Variants in WDR70 observed in about 807,000 individuals in gnomAD.
WDR70 encodes the protein WD repeat domain 70.
WDR70 carries 53 observed loss-of-function variants against 88.6 expected under a neutral mutation model. That is an observed-to-expected ratio of 0.60 (90% confidence interval 0.48 to 0.75). WDR70 has a LOEUF of 0.75. Ranked by LOEUF, WDR70 falls within the 30% of genes least tolerant of loss-of-function variation. WDR70 has a pLI of 0.00. For synonymous variants in WDR70, 280 were observed against 270.0 expected (o/e 1.04, Z -0.36); for missense variants, 610 against 823.2 (o/e 0.74, Z 3.17).
intron 9 of WDR70, among the ~76,000 whole-genome samples, chr5:37,528,466 C>T (rs1329880554): frequency 6.6e-6 from 1 of 152,006 alleles, no homozygotes; most frequent in Non-Finnish European, 1.5e-5. Context: ...ACATCACACA[C>T]CGGGGCCTGT....
rs528669161 is a variant in WDR70, at chr5:37,604,485, A to G, written c.918-579A>G. Among the ~76,000 whole-genome samples, 16 of 152,314 alleles carry G rather than the reference A, an allele frequency of 1.1e-4. No individual in the cohort carries two copies. In the South Asian group the frequency reaches 3.1e-3, roughly 30 times the overall value. On this transcript the variant is annotated intron_variant, in intron 9 of 17. Transcript: ENST00000265107. ...TGCTCCTTCGCTTAGGACTGTGAGT[A>G]CAAGGGTGTTACACCTCTGCTCCAG...
intron 10 of WDR70, among the ~76,000 whole-genome samples, chr5:37,687,225 A>G (rs1746636193): frequency 6.6e-6 from 1 of 152,046 alleles, no homozygotes; most frequent in Non-Finnish European, 1.5e-5. Context: ...CTTTTTCCTC[A>G]TTGGAATATA....
At chr5:37,689,370 C>A (rs557039810) in intron 10 of WDR70, among the ~76,000 whole-genome samples, 1 of 152,356 alleles carries the variant, frequency 6.6e-6, no homozygotes, top group South Asian at 2.1e-4. Flanking sequence ...TGAGAACGGA[C>A]AGACTGCCTC....
chr5:37,431,869 G>A (rs1750314083), intron 5 of WDR70, among the ~76,000 whole-genome samples: 2 of 152,284 alleles, frequency 1.3e-5, no homozygotes, highest in South Asian at 4.1e-4. Context: ...CATCTGTGTT[G>A]TAGCATGTGT....
intron 7 of WDR70, among the ~76,000 whole-genome samples, chr5:37,463,437 C>T (rs1739070885): frequency 6.6e-6 from 1 of 152,080 alleles, no homozygotes. Context: ...AAGTGACAGC[C>T]CCAAACAGCT....
chr5:37,527,771 C>CA (rs1391621836), intron 9 of WDR70, among the ~76,000 whole-genome samples: 1 of 152,000 alleles, frequency 6.6e-6, no homozygotes, highest in Admixed American at 6.6e-5. Context: ...AGAAAGAACT[C>CA]AAAGAAACTT....
At position 37,752,547 on chromosome 5, in the gene WDR70, C is replaced by G. The variant is rs1581551023; in HGVS notation, c.1939C>G (p.Pro647Ala). The change falls in exon 18 of 18, where the codon CCA becomes GCA. Residue 647 changes from proline (P) to alanine (A), a missense_variant. This residue lies in a region of WDR70 where 70 missense variants were observed against 139.2 expected (regional missense o/e 0.50). Coordinates refer to ENST00000265107, the MANE Select transcript of WDR70 (RefSeq NM_018034.4). ...ESDDEEAKNE[P>A]EWKKRKI is the part of the protein sequence containing the mutation. ...TGATGATGAGGAAGCAAAGAATGAG[C>G]CAGAATGGAAAAAACGTAAAATTTG... 6.2e-7 allele frequency: 1 copy of G among 1,612,372 alleles called. No homozygotes were observed. Among genetic ancestry groups the G allele is most frequent in the Non-Finnish European group, 8.5e-7 (1 of 1,179,154 alleles).
chr5:37,394,362 T>A (rs1291680035), intron 4 of WDR70, among the ~76,000 whole-genome samples: 2 of 152,206 alleles, frequency 1.3e-5, no homozygotes, highest in Non-Finnish European at 2.9e-5. Flanking sequence ...GGGGAAAATT[T>A]TGGAGTATGA....
intron 9 of WDR70, among the ~76,000 whole-genome samples, chr5:37,556,572 C>T (rs1742300181): frequency 6.6e-6 from 1 of 152,128 alleles, no homozygotes; most frequent in South Asian, 2.1e-4. Flanking sequence ...ATGCTTTATT[C>T]ATCTCCACAT....
intron 9 of WDR70, among the ~76,000 whole-genome samples, chr5:37,521,190 G>C (rs1741073552): frequency 6.6e-6 from 1 of 152,220 alleles, no homozygotes; most frequent in South Asian, 2.1e-4. Context: ...GAGCACTACA[G>C]CAGCCTTTCC....
At chr5:37,381,063 G>A (rs1320970140) in intron 2 of WDR70, among the ~76,000 whole-genome samples, 2 of 152,216 alleles carry the variant, frequency 1.3e-5, no homozygotes, top group Non-Finnish European at 2.9e-5. Context: ...GGAGGAGAAT[G>A]TTTCCATGCT....
At chr5:37,628,998 G>A (rs944425735) in intron 10 of WDR70, among the ~76,000 whole-genome samples, 4 of 152,090 alleles carry the variant, frequency 2.6e-5, no homozygotes, top group Admixed American at 6.6e-5. Context: ...TCTCTATTGG[G>A]AGATTTTATT....
At chr5:37,548,288 C>T (rs1742050634) in intron 9 of WDR70, among the ~76,000 whole-genome samples, 1 of 152,130 alleles carries the variant, frequency 6.6e-6, no homozygotes, top group African/African-American at 2.4e-5. Context: ...TCCTTTTTCT[C>T]CATATCCTTG....
Position 37,392,026 on chromosome 5 carries a change from AAC to A in WDR70, c.204_205del (p.Asn68LysfsTer10). The A allele has an allele frequency of 6.2e-7, 1 of 1,610,456 alleles. No homozygotes were observed. Among genetic ancestry groups the A allele is most frequent in the South Asian group, 1.1e-5 (1 of 90,056 alleles). Reference sequence around the variant, plus strand: ...AGCAAGAGAAAAAGAGGAAGAAATGAACAGAGAGAAAGAATTAAGAAGACAAA... The same window carrying A: ...AGCAAGAGAAAAAGAGGAAGAAATGAAGAGAGAAAGAATTAAGAAGACAAA... ...LEAREKEEEM[N>X]REKELRRQNE... On this transcript the variant is annotated frameshift_variant, in exon 4 of 18. Transcript: ENST00000265107. LOFTEE classifies it high-confidence loss of function.
intron 9 of WDR70, among the ~76,000 whole-genome samples, chr5:37,564,387 T>G (rs1345458599): frequency 1.3e-5 from 2 of 151,980 alleles, no homozygotes; most frequent in Non-Finnish European, 2.9e-5. Flanking sequence ...ACCAGTCAGG[T>G]GTGGCGGCTT....
intron 9 of WDR70, among the ~76,000 whole-genome samples, chr5:37,521,787 G>T (rs1173218252): frequency 6.6e-6 from 1 of 151,560 alleles, no homozygotes; most frequent in Non-Finnish European, 1.5e-5. Flanking sequence ...ATTTGGGCTG[G>T]TTCCATGTTT....
At chr5:37,589,983 G>C (rs1164018546) in intron 9 of WDR70, among the ~76,000 whole-genome samples, 2 of 152,144 alleles carry the variant, frequency 1.3e-5, no homozygotes, top group African/African-American at 4.8e-5. Context: ...TATAAGAGCA[G>C]AGTGTAAATT....
Position 37,379,529 on chromosome 5 carries a change from G to C in WDR70, c.66G>C (p.Ala22=). The C allele has an allele frequency of 1.2e-6, 2 of 1,614,012 alleles. No individual in the cohort carries two copies. Among genetic ancestry groups the C allele is most frequent in the Non-Finnish European group, 1.7e-6 (2 of 1,179,884 alleles). Residue 22 remains alanine, a synonymous_variant, in exon 2 of 18, where the codon GCG becomes GCC. Coordinates refer to ENST00000265107, the MANE Select transcript of WDR70 (RefSeq NM_018034.4). The part of the protein sequence containing the change: ...SDASGPDPQL[A]VTMGFTGFGK... ...CGTCGGGACCGGACCCGCAGCTTGC[G>C]GTCACCATGGGCTTCACGGGGTTCG...
chr5:37,752,134 G>C (rs1369714459), intron 17 of WDR70, among the ~76,000 whole-genome samples: 1 of 152,156 alleles, frequency 6.6e-6, no homozygotes, highest in South Asian at 2.1e-4. Context: ...CTTGGTGACT[G>C]TAGTTCGTTC....
Sources: gnomAD v4.1 joint callset for allele counts (sites outside exome capture counted in the v4.1 genomes callset) on GRCh38, gnomAD v4.1.1 for gene constraint, gnomAD v4.1.1 regional missense constraint, MANE v1.5 for transcripts, NCBI Gene and HGNC (gene_info 2026-07-23, HGNC 2026-07-21) for gene names.